COLEC10: variants seen among roughly 807,000 people sequenced by gnomAD.
COLEC10 encodes collectin-10.
Under a neutral mutation model 28.4 loss-of-function variants are expected in COLEC10, and 22 were observed. The ratio of observed to expected loss-of-function variants is 0.78; its 90% CI spans 0.55 to 1.11. COLEC10 has a LOEUF of 1.11. COLEC10 is among the 50% of genes least tolerant of loss of function. The pLI is 0.00. For synonymous variants in COLEC10, 125 were observed against 116.1 expected (o/e 1.08, Z -0.49); for missense variants, 361 against 344.1 (o/e 1.05, Z -0.39).
intron 2 of COLEC10, among the ~76,000 whole-genome samples, chr8:119,090,619 T>C (rs561801685): frequency 1.3e-5 from 2 of 152,334 alleles, no homozygotes; most frequent in African/African-American, 4.8e-5. Flanking sequence ...AGAAATAGCA[T>C]TGGAAGAGCT....
At chr8:118,985,301 T>C in the COLEC10 span, among the ~76,000 whole-genome samples, 1 of 152,090 alleles carries the variant, frequency 6.6e-6, no homozygotes, top group African/African-American at 2.4e-5. Context: ...AAAAAAAAAT[T>C]GGTAAGGAGT....
At chr8:119,027,333 C>G (rs755428687) in intron 2 of COLEC10, among the ~76,000 whole-genome samples, 3 of 152,200 alleles carry the variant, frequency 2.0e-5, no homozygotes, top group Middle Eastern at 3.4e-3. Flanking sequence ...TTAAGTTTTT[C>G]TTTTATATAT....
Position 119,037,966 on chromosome 8 carries a change from C to T in COLEC10, n.235+28413C>T, listed in dbSNP as rs150198394. Among the ~76,000 whole-genome samples, 489 of 152,298 alleles carry T rather than the reference C, an allele frequency of 3.2e-3. 1 individual carries two copies. The highest frequency in any genetic ancestry group is 0.011 in the African/African-American group (453 of 41,568). On this transcript the variant is annotated intron_variant and non_coding_transcript_variant, in intron 2 of 6. Transcript: ENST00000521788. ...ACCCTATCTCTTGCATCATGCTATT[C>T]ACAAACACAGAGTTTGACACATAAT...
the COLEC10 span, among the ~76,000 whole-genome samples, chr8:118,985,774 G>T: frequency 1.3e-5 from 2 of 152,092 alleles, no homozygotes; most frequent in South Asian, 2.1e-4. Context: ...AGAGTCAAAA[G>T]CATAGCTCCA....
In COLEC10 at chr8:119,068,237, G is replaced by A. The variant is rs372538032; in HGVS notation, c.148+808G>A. On this transcript the variant is annotated intron_variant, in intron 1 of 5. Coordinates refer to ENST00000332843, the MANE Select transcript of COLEC10 (RefSeq NM_006438.5). ...CCTAAAATTTTAAGTAGAAAAAAGT[G>A]TTTTTCCAAAAAACAAAATTCAGAA... is the stretch of plus-strand genomic sequence containing the variant. 3 of 152,146 alleles carry A rather than the reference G, an allele frequency of 2.0e-5. No homozygotes were observed. The East Asian group carries it at 5.8e-4, about 29-fold the overall frequency. 9.4% of individuals were successfully genotyped at this position (152,146 alleles called of 1,614,324 possible).
intron 3 of COLEC10, among the ~76,000 whole-genome samples, chr8:119,093,630 A>G (rs1815655147): frequency 6.6e-6 from 1 of 152,132 alleles, no homozygotes; most frequent in Admixed American, 6.5e-5. Flanking sequence ...ATTCACCTCA[A>G]ATGATTAAAA....
chr8:119,076,203 A>G (rs1472307742), intron 1 of COLEC10, among the ~76,000 whole-genome samples: 1 of 148,890 alleles, frequency 6.7e-6, no homozygotes, highest in Non-Finnish European at 1.5e-5. Context: ...GAGCCACCAC[A>G]TCCAGCCAAT....
the COLEC10 span, among the ~76,000 whole-genome samples, chr8:118,956,190 C>T: frequency 6.6e-6 from 1 of 152,116 alleles, no homozygotes; most frequent in Non-Finnish European, 1.5e-5. Context: ...TAAGACTCCA[C>T]CTGCATGACC....
the COLEC10 span, among the ~76,000 whole-genome samples, chr8:118,956,884 G>A: frequency 6.6e-6 from 1 of 152,090 alleles, no homozygotes; most frequent in African/African-American, 2.4e-5. Flanking sequence ...TTTCTTAATA[G>A]TCAATGAGGT....
At chr8:119,052,764 G>A (rs1440253391) in intron 2 of COLEC10, among the ~76,000 whole-genome samples, 1 of 152,146 alleles carries the variant, frequency 6.6e-6, no homozygotes, top group African/African-American at 2.4e-5. Context: ...AAGACTTGTT[G>A]CTGGTGGCAA....
chr8:119,067,199 C>T, upstream of COLEC10: 1 of 1,428,442 alleles, frequency 7.0e-7, no homozygotes, highest in Non-Finnish European at 9.6e-7. Context: ...ACTTCCCCTT[C>T]TTCCCCAAAG....
the COLEC10 span, among the ~76,000 whole-genome samples, chr8:118,957,213 A>G: frequency 6.6e-6 from 1 of 152,234 alleles, no homozygotes; most frequent in Non-Finnish European, 1.5e-5. Context: ...GTATCCTGAT[A>G]CAGATCAAAA....
At chr8:119,016,201 C>T (rs938142074) in intron 2 of COLEC10, among the ~76,000 whole-genome samples, 1 of 151,984 alleles carries the variant, frequency 6.6e-6, no homozygotes, top group African/African-American at 2.4e-5. Flanking sequence ...CTGACAGGCC[C>T]CAGTGTGTGA....
At chr8:119,033,176 T>C (rs920801541) in intron 2 of COLEC10, among the ~76,000 whole-genome samples, 5 of 152,286 alleles carry the variant, frequency 3.3e-5, no homozygotes, top group African/African-American at 1.2e-4. Flanking sequence ...CTTTGGTCTT[T>C]TACATTGGGG....
At chr8:119,071,106 G>A (rs1815114884) in intron 1 of COLEC10, among the ~76,000 whole-genome samples, 2 of 151,962 alleles carry the variant, frequency 1.3e-5, no homozygotes, top group Admixed American at 1.3e-4. Flanking sequence ...TCACATTTTG[G>A]TGATTAAAAA....
At chr8:118,965,256 G>GCT in the COLEC10 span, among the ~76,000 whole-genome samples, 4 of 152,006 alleles carry the variant, frequency 2.6e-5, no homozygotes, top group Non-Finnish European at 4.4e-5. Context: ...AATCCCAATA[G>GCT]CTCAAAATAT....
chr8:119,001,525 T>C (rs1480144633), intron 1 of COLEC10, among the ~76,000 whole-genome samples: 1 of 152,060 alleles, frequency 6.6e-6, no homozygotes, highest in Non-Finnish European at 1.5e-5. Flanking sequence ...TGATGCAACT[T>C]TGTGGCAGCA....
At chr8:119,085,225 G>T (rs956725733) in intron 1 of COLEC10, among the ~76,000 whole-genome samples, 6 of 152,210 alleles carry the variant, frequency 3.9e-5, no homozygotes, top group Non-Finnish European at 5.9e-5. Context: ...GGAGTAGGCA[G>T]GTTGGGTAGG....
In COLEC10 at chr8:119,107,100, A is replaced by G. The variant is rs1815964475; in HGVS notation, c.*909A>G. Among the ~76,000 whole-genome samples the G allele has an allele frequency of 6.6e-6, 1 of 152,212 alleles. No individual in the cohort carries two copies. Among genetic ancestry groups the G allele is most frequent in the Admixed American group, 6.5e-5 (1 of 15,272 alleles). Reference sequence around the variant, plus strand: ...TTATTCACCTTAGGCATAGGGAATGAGGGAAGGAGTTTGTGAAGCCTTAAG... The same window carrying G: ...TTATTCACCTTAGGCATAGGGAATGGGGGAAGGAGTTTGTGAAGCCTTAAG... On this transcript the variant is annotated 3_prime_UTR_variant, in exon 6 of 6. Coordinates refer to ENST00000332843, the MANE Select transcript of COLEC10 (RefSeq NM_006438.5).
Sources: allele counts gnomAD v4.1 joint callset (sites outside exome capture counted in the v4.1 genomes callset), GRCh38; gene constraint gnomAD v4.1.1; transcripts MANE v1.5; gene names NCBI Gene and HGNC (gene_info 2026-07-23, HGNC 2026-07-21).